CSGALNACT1: variants seen among roughly 807,000 people sequenced by gnomAD.
CSGALNACT1 encodes beta4GalNAcT-1.
In CSGALNACT1, 52 loss-of-function variants were observed where a neutral mutation model predicts 51.0. The ratio of observed to expected loss-of-function variants is 1.02; its 90% CI spans 0.82 to 1.29. CSGALNACT1 has a LOEUF of 1.29. Ranked by LOEUF, CSGALNACT1 falls within the 50% of genes most tolerant of loss-of-function variation. The pLI, the probability that CSGALNACT1 is intolerant of heterozygous loss-of-function variation, is 0.00. For synonymous variants in CSGALNACT1, 341 were observed against 254.4 expected, an observed-to-expected ratio of 1.34 and a Z score of -3.24; for missense variants, 935 against 679.2, an observed-to-expected ratio of 1.38 and a Z score of -4.19.
chr8:19,749,641 A>T (rs34845575), intron 1 of CSGALNACT1, among the ~76,000 whole-genome samples: 23,043 of 152,122 alleles, frequency 0.15, 1,901 homozygotes, highest in Middle Eastern at 0.29. Flanking sequence ...AACACAGGCT[A>T]GTCTACAGAA....
chr8:19,685,593 G>T (rs1237365723), upstream of CSGALNACT1, among the ~76,000 whole-genome samples: 2 of 152,134 alleles, frequency 1.3e-5, no homozygotes, highest in Admixed American at 1.3e-4. Context: ...TAAAAGGAAC[G>T]GTTTCAAAGT....
At chr8:19,596,399 C>G (rs1034049187) in intron 2 of CSGALNACT1, among the ~76,000 whole-genome samples, 5 of 151,860 alleles carry the variant, frequency 3.3e-5, no homozygotes, top group Non-Finnish European at 7.4e-5. Context: ...CAAATCAAAC[C>G]CTGGAGTGTG....
chr8:19,691,582 C>A (rs906391134), intron 1 of CSGALNACT1, among the ~76,000 whole-genome samples: 15 of 152,212 alleles, frequency 9.9e-5, no homozygotes, highest in African/African-American at 3.1e-4. Context: ...AGCTCCACAG[C>A]CCTGACGATA....
At chr8:19,479,021 C>T (rs956379080) in intron 4 of CSGALNACT1, among the ~76,000 whole-genome samples, 4 of 152,162 alleles carry the variant, frequency 2.6e-5, no homozygotes, top group African/African-American at 9.7e-5. Flanking sequence ...TTTGATGATC[C>T]TATAGACACA....
chr8:19,665,225 T>C (rs185079655), intron 1 of CSGALNACT1, among the ~76,000 whole-genome samples: 3 of 152,246 alleles, frequency 2.0e-5, no homozygotes, highest in Admixed American at 1.3e-4. Context: ...CTTAAATTTA[T>C]ACAAAATCAA....
intron 1 of CSGALNACT1, among the ~76,000 whole-genome samples, chr8:19,651,501 C>T (rs564218135): frequency 2.6e-5 from 4 of 152,156 alleles, no homozygotes; most frequent in South Asian, 2.1e-4. Context: ...CACTTGTAAG[C>T]GAGAACATGC....
In CSGALNACT1 at chr8:19,418,855, T is replaced by A. The variant is rs1053873953; in HGVS notation, c.1133-105A>T. 6.4e-6 allele frequency: 5 copies of A among 777,724 alleles called. No homozygotes were observed. In the African/African-American group the frequency reaches 8.6e-5, roughly 13 times the overall value. 48.2% of individuals were successfully genotyped at this position (777,724 alleles called of 1,614,324 possible). A position where few individuals can be genotyped will look rare whatever the true frequency, so the allele number is the denominator to read the frequency against. ...AACACCCCAGATATTTGCACCCACT[T>A]TTTTTTTCTTTGAGAGGCAGTCTCA... is the stretch of plus-strand genomic sequence containing the variant. On this transcript the variant is annotated intron_variant, in intron 7 of 9. Coordinates refer to ENST00000454498, the Ensembl canonical transcript of CSGALNACT1.
At chr8:19,679,882 G>A (rs189660705) in intron 1 of CSGALNACT1, among the ~76,000 whole-genome samples, 1 of 152,280 alleles carries the variant, frequency 6.6e-6, no homozygotes, top group Non-Finnish European at 1.5e-5. Flanking sequence ...CTATAAAAGT[G>A]AGGAATGTGC....
chr8:19,594,399 A>G (rs992621850), intron 2 of CSGALNACT1, among the ~76,000 whole-genome samples: 2 of 152,346 alleles, frequency 1.3e-5, no homozygotes, highest in Middle Eastern at 3.4e-3. Context: ...AATATGAGTT[A>G]AAGTACGTGG....
chr8:19,435,054 A>G (rs2060173547), intron 6 of CSGALNACT1, among the ~76,000 whole-genome samples: 1 of 152,102 alleles, frequency 6.6e-6, no homozygotes, highest in African/African-American at 2.4e-5. Flanking sequence ...CTGGCAGGGC[A>G]GTGTCTCATT....
At chr8:19,579,625 T>G (rs1234286342) in intron 3 of CSGALNACT1, among the ~76,000 whole-genome samples, 4 of 152,220 alleles carry the variant, frequency 2.6e-5, no homozygotes, top group African/African-American at 7.2e-5. Context: ...GGGCAGGGAT[T>G]ATGCCTATTT....
intron 3 of CSGALNACT1, among the ~76,000 whole-genome samples, chr8:19,587,711 C>T (rs184302707): frequency 2.2e-4 from 34 of 152,290 alleles, no homozygotes; most frequent in African/African-American, 7.0e-4. Context: ...GATACTCCTG[C>T]ATTACAAGAG....
intron 1 of CSGALNACT1, among the ~76,000 whole-genome samples, chr8:19,711,769 T>C (rs371705454): frequency 2.2e-4 from 33 of 152,298 alleles, no homozygotes; most frequent in African/African-American, 7.7e-4. Context: ...CATGCCCACC[T>C]GTAGCCACTT....
chr8:19,552,431 A>T (rs1354529248), intron 3 of CSGALNACT1, among the ~76,000 whole-genome samples: 1 of 152,192 alleles, frequency 6.6e-6, no homozygotes, highest in African/African-American at 2.4e-5. Flanking sequence ...AATTCCTTCC[A>T]GCTGCATTTT....
At chr8:19,443,725 G>C (rs1403840115) in intron 5 of CSGALNACT1, among the ~76,000 whole-genome samples, 3 of 152,130 alleles carry the variant, frequency 2.0e-5, no homozygotes, top group African/African-American at 7.2e-5. Context: ...GATGTGGGTG[G>C]GGATATAGCT....
Position 19,700,030 on chromosome 8 carries a change from T to G in CSGALNACT1, c.-297+57820A>C, listed in dbSNP as rs538925951. On this transcript the variant is annotated intron_variant, in intron 1 of 1. Transcript: ENST00000517494. ...AGGAGGCTGAGGCAGGAGAATCACT[T>G]GAACCCAGGAGACAGAGGTTGCAGT... 1.4e-3 allele frequency among the ~76,000 whole-genome samples: 213 copies of G among 150,704 alleles called. 1 individual carries two copies. Among genetic ancestry groups the G allele is most frequent in the African/African-American group, 5.1e-3 (210 of 40,874 alleles).
chr8:19,586,625 T>A (rs2046715672), intron 3 of CSGALNACT1, among the ~76,000 whole-genome samples: 1 of 152,066 alleles, frequency 6.6e-6, no homozygotes, highest in Non-Finnish European at 1.5e-5. Context: ...ACTGGCTTAG[T>A]CTATGACTGG....
chr8:19,626,419 C>T (rs1163573710), intron 1 of CSGALNACT1, among the ~76,000 whole-genome samples: 2 of 152,102 alleles, frequency 1.3e-5, no homozygotes, highest in African/African-American at 4.8e-5. Context: ...CTAAACCACA[C>T]CTTTAACAAA....
At chr8:19,563,664 A>T (rs2041288754) in intron 3 of CSGALNACT1, among the ~76,000 whole-genome samples, 1 of 152,040 alleles carries the variant, frequency 6.6e-6, no homozygotes, top group Non-Finnish European at 1.5e-5. Context: ...CTACATTGTG[A>T]CTACCATGGT....
Sources: allele counts gnomAD v4.1 joint callset (sites outside exome capture counted in the v4.1 genomes callset), GRCh38; gene constraint gnomAD v4.1.1; transcripts MANE v1.5; gene names NCBI Gene and HGNC (gene_info 2026-07-23, HGNC 2026-07-21).